Variants in DLGAP2 observed in about 807,000 individuals in gnomAD.
DLGAP2 encodes disks large-associated protein 2.
Under a neutral mutation model 100.3 loss-of-function variants are expected in DLGAP2, and 26 were observed. That is an observed-to-expected ratio of 0.26 (90% CI 0.19 to 0.36). The LOEUF (loss-of-function observed/expected upper bound fraction) is 0.36. Ranked by LOEUF, DLGAP2 falls within the 10% of genes least tolerant of loss-of-function variation. DLGAP2 has a pLI of 1.00. For missense variants in DLGAP2, 1,858 were observed against 1,453.2 expected, an observed-to-expected ratio of 1.28 and a Z score of -4.53; for synonymous variants, 886 against 630.1, an observed-to-expected ratio of 1.41 and a Z score of -6.08.
At chr8:856,491 G>GA (rs1410398207) in intron 1 of DLGAP2, among the ~76,000 whole-genome samples, 1 of 152,120 alleles carries the variant, frequency 6.6e-6, no homozygotes, top group Non-Finnish European at 1.5e-5. Flanking sequence ...CCCAGCAGTG[G>GA]AAAAATCTTC....
chr8:1,306,091 A>AAAAAAAAGAG (rs1563073469), intron 3 of DLGAP2, among the ~76,000 whole-genome samples: 2 of 131,438 alleles, frequency 1.5e-5, no homozygotes, highest in Non-Finnish European at 1.6e-5. Context: ...AAAAAAAAAA[A>AAAAAAAAGAG]AGAGAGAGGG....
At chr8:943,717 G>C (rs2129005806) in intron 2 of DLGAP2, among the ~76,000 whole-genome samples, 1 of 152,268 alleles carries the variant, frequency 6.6e-6, no homozygotes, top group South Asian at 2.1e-4. Context: ...ACGTCGTGAT[G>C]TGGCCATCCC....
At chr8:1,319,165 C>T (rs1186939911) in intron 3 of DLGAP2, among the ~76,000 whole-genome samples, 1 of 152,164 alleles carries the variant, frequency 6.6e-6, no homozygotes, top group Non-Finnish European at 1.5e-5. Context: ...CCTGCAGTGC[C>T]TGGGGCCCCC....
At chr8:1,206,148 G>A (rs1305163288) in intron 2 of DLGAP2, among the ~76,000 whole-genome samples, 4 of 152,198 alleles carry the variant, frequency 2.6e-5, no homozygotes, top group Non-Finnish European at 5.9e-5. Flanking sequence ...GGATCACAAA[G>A]GAGTTTGAAG....
intron 2 of DLGAP2, among the ~76,000 whole-genome samples, chr8:1,191,748 T>C (rs1267860748): frequency 6.6e-6 from 1 of 152,198 alleles, no homozygotes; most frequent in Non-Finnish European, 1.5e-5. Context: ...CTCCTATTTT[T>C]ATGTATTTTC....
chr8:1,531,134 T>C (rs569025516), intron 4 of DLGAP2, among the ~76,000 whole-genome samples: 3 of 152,306 alleles, frequency 2.0e-5, no homozygotes, highest in Admixed American at 6.5e-5. Context: ...CTTTTTTAAG[T>C]TTATTTTTGA....
At chr8:1,675,315 G>A (rs1798786795) in intron 10 of DLGAP2, among the ~76,000 whole-genome samples, 2 of 152,204 alleles carry the variant, frequency 1.3e-5, no homozygotes, top group South Asian at 4.1e-4. Context: ...CCCCAACCAG[G>A]GCGCGCTCCT....
chr8:1,094,247 C>T (rs942465893), intron 2 of DLGAP2, among the ~76,000 whole-genome samples: 7 of 152,182 alleles, frequency 4.6e-5, no homozygotes, highest in African/African-American at 7.2e-5. Context: ...GCATTTCCAA[C>T]GCGAGTAAAG....
intron 1 of DLGAP2, among the ~76,000 whole-genome samples, chr8:798,070 C>G (rs2132649995): frequency 6.6e-6 from 1 of 152,322 alleles, no homozygotes; most frequent in Middle Eastern, 3.4e-3. Flanking sequence ...ACTTTAACTG[C>G]TCCCGAGGCC....
At chr8:1,591,012 T>G (rs1199990292) in intron 6 of DLGAP2, among the ~76,000 whole-genome samples, 1 of 152,150 alleles carries the variant, frequency 6.6e-6, no homozygotes, top group African/African-American at 2.4e-5. Flanking sequence ...GCTCAAAACA[T>G]GAGGATGTAG....
intron 2 of DLGAP2, among the ~76,000 whole-genome samples, chr8:1,218,751 A>G (rs1428238609): frequency 6.6e-6 from 1 of 152,116 alleles, no homozygotes; most frequent in Non-Finnish European, 1.5e-5. Context: ...TTGATTCTTC[A>G]TAACTATGAG....
intron 2 of DLGAP2, among the ~76,000 whole-genome samples, chr8:1,210,975 C>A (rs534924388): frequency 6.6e-6 from 1 of 152,222 alleles, no homozygotes; most frequent in East Asian, 1.9e-4. Flanking sequence ...TCCTCCCCAA[C>A]GTCCAGCGAG....
At chr8:904,915 G>C (rs1334490551) in intron 1 of DLGAP2, among the ~76,000 whole-genome samples, 1 of 152,220 alleles carries the variant, frequency 6.6e-6, no homozygotes, top group South Asian at 2.1e-4. Flanking sequence ...CAGAGAGGAA[G>C]AAATAAACCT....
intron 2 of DLGAP2, among the ~76,000 whole-genome samples, chr8:1,182,376 C>T (rs897736287): frequency 6.6e-6 from 1 of 152,176 alleles, no homozygotes; most frequent in Non-Finnish European, 1.5e-5. Context: ...GAGAGTTGGC[C>T]CTTGTGACCC....
intron 2 of DLGAP2, among the ~76,000 whole-genome samples, chr8:979,310 A>C (rs1800262366): frequency 6.6e-6 from 1 of 152,266 alleles, no homozygotes; most frequent in African/African-American, 2.4e-5. Context: ...GGGAAAATAG[A>C]TGCTAAGACT....
At chr8:1,589,125 G>A (rs1454936624) in intron 6 of DLGAP2, among the ~76,000 whole-genome samples, 1 of 152,128 alleles carries the variant, frequency 6.6e-6, no homozygotes, top group Non-Finnish European at 1.5e-5. Context: ...CTGGGTTTGT[G>A]GTTGAATTGT....
intron 3 of DLGAP2, among the ~76,000 whole-genome samples, chr8:1,438,275 C>T (rs1181231701): frequency 6.6e-6 from 1 of 152,118 alleles, no homozygotes; most frequent in African/African-American, 2.4e-5. Context: ...CTCCCCCAAC[C>T]ATGTCATGGA....
Position 1,491,362 on chromosome 8 carries a change from CT to C in DLGAP2, c.107-10003del, listed in dbSNP as rs547836091. On this transcript the variant is annotated intron_variant, in intron 3 of 14. Transcript: ENST00000637795. The stretch of plus-strand genomic sequence containing the variant: ...CCCCGGAGGCTTCGGGCCGCTCCCC[CT>C]GACCCCGGAGGCTTCGGGCTGCTCC... Among the ~76,000 whole-genome samples, 223 of 152,284 alleles carry C rather than the reference CT, an allele frequency of 1.5e-3. No homozygotes were observed. The East Asian group carries it at 0.03, about 21-fold the overall frequency.
At chr8:1,024,248 T>C (rs1801720319) in intron 2 of DLGAP2, among the ~76,000 whole-genome samples, 1 of 137,530 alleles carries the variant, frequency 7.3e-6, no homozygotes, top group Non-Finnish European at 1.6e-5. Context: ...GACAGCCCCG[T>C]GCCGAGGCAG....
Sources: allele counts gnomAD v4.1 joint callset (sites outside exome capture counted in the v4.1 genomes callset), GRCh38; gene constraint gnomAD v4.1.1; transcripts MANE v1.5; gene names NCBI Gene and HGNC (gene_info 2026-07-23, HGNC 2026-07-21).